HTR4: variants seen among roughly 807,000 people sequenced by gnomAD.
HTR4 encodes 5-hydroxytryptamine receptor 4, also known as 5-hydroxytryptamine (serotonin) receptor 4, G protein-coupled.
HTR4 carries 16 observed loss-of-function variants against 36.8 expected under a neutral mutation model. The ratio of observed to expected loss-of-function variants is 0.43; its 90% CI spans 0.29 to 0.66. The LOEUF is 0.66. HTR4 is among the 30% of genes least tolerant of loss of function. HTR4 has a pLI of 0.13. For missense variants in HTR4, 438 were observed against 490.9 expected (o/e 0.89, Z 1.02); for synonymous variants, 189 against 185.1 (o/e 1.02, Z -0.17).
At chr5:148,626,844 A>G (rs1753127688) in intron 2 of HTR4, among the ~76,000 whole-genome samples, 1 of 152,154 alleles carries the variant, frequency 6.6e-6, no homozygotes, top group Non-Finnish European at 1.5e-5. Flanking sequence ...CCTCCCCAAA[A>G]TATTTCCCAA....
intron 6 of HTR4, among the ~76,000 whole-genome samples, chr5:148,506,303 G>A (rs1382560249): frequency 7.9e-5 from 12 of 152,098 alleles, no homozygotes; most frequent in Admixed American, 2.0e-4. Context: ...AATGGTGCTG[G>A]GAAAACTGGC....
chr5:148,602,434 A>T (rs1175817775), intron 2 of HTR4, among the ~76,000 whole-genome samples: 4 of 152,226 alleles, frequency 2.6e-5, no homozygotes, highest in Non-Finnish European at 5.9e-5. Flanking sequence ...AAACTAGGTG[A>T]TAATTAAATT....
chr5:148,509,369 A>C (rs1344483005), intron 6 of HTR4, 87 bp downstream of exon 6: 1 of 974,376 alleles, frequency 1.0e-6, no homozygotes, highest in African/African-American at 1.6e-5. Context: ...TTTCAGGGAT[A>C]ACCCCTTTGG....
chr5:148,451,414 T>A (rs979321232), intron 5 of HTR4: 7 of 1,422,454 alleles, frequency 4.9e-6, no homozygotes, highest in Admixed American at 2.2e-5. Context: ...GATGGGGTGA[T>A]ACTTCATAGA....
Position 148,523,574 on chromosome 5 carries a change from A to G in HTR4, c.354-228T>C, listed in dbSNP as rs539499410. Among the ~76,000 whole-genome samples the G allele has an allele frequency of 2.6e-5, 4 of 152,236 alleles. No homozygotes were observed. The East Asian group carries it at 7.7e-4, about 29-fold the overall frequency. On this transcript the variant is annotated intron_variant, in intron 4 of 6. Coordinates refer to ENST00000377888, the MANE Select transcript of HTR4 (RefSeq NM_000870.7). ...AGAGCAAGTGGCAGAGGAAGGGAAA[A>G]AGAAGGAAGAGAGAGAAAAGAACAG...
chr5:148,615,532 G>A (rs926382713), intron 2 of HTR4, among the ~76,000 whole-genome samples: 1 of 115,540 alleles, frequency 8.7e-6, no homozygotes, highest in South Asian at 3.5e-4. Context: ...GACTGTTGTG[G>A]GGTGGGGGGA....
chr5:148,624,545 C>CA, intron 2 of HTR4, among the ~76,000 whole-genome samples: 1 of 152,234 alleles, frequency 6.6e-6, no homozygotes, highest in Middle Eastern at 3.4e-3. Context: ...CTAAGGGATA[C>CA]AAAATAAAAG....
intron 5 of HTR4, among the ~76,000 whole-genome samples, chr5:148,460,792 T>C (rs1755257844): frequency 6.6e-6 from 1 of 152,116 alleles, no homozygotes; most frequent in Non-Finnish European, 1.5e-5. Flanking sequence ...TAACAGATTG[T>C]TCAAAATAAT....
intron 2 of HTR4, among the ~76,000 whole-genome samples, chr5:148,567,715 C>T (rs1760505081): frequency 6.6e-6 from 1 of 152,094 alleles, no homozygotes; most frequent in Non-Finnish European, 1.5e-5. Context: ...CCACTAGGTT[C>T]CCTTTTTGTC....
intron 2 of HTR4, among the ~76,000 whole-genome samples, chr5:148,632,574 A>G (rs1317763354): frequency 5.9e-5 from 9 of 152,198 alleles, no homozygotes. Context: ...TTCTCTGCTC[A>G]AAGCCTGGAG....
intron 5 of HTR4, among the ~76,000 whole-genome samples, chr5:148,469,157 A>G (rs1755505132): frequency 1.3e-5 from 2 of 152,192 alleles, no homozygotes; most frequent in Admixed American, 1.3e-4. Context: ...ACACAAATTT[A>G]CATACTGCTC....
rs562863671 is a variant in HTR4 at position 148,490,946 on chromosome 5, G to T, written c.1077-7653C>A. 7.8e-5 allele frequency: 32 copies of T among 410,876 alleles called. No homozygotes were observed. In the East Asian group the frequency reaches 2.0e-3, roughly 25 times the overall value. The allele number at this position is 410,876 out of a possible 1,614,324, so 25.5% of individuals were successfully genotyped here. On this transcript the variant is annotated intron_variant, in intron 6 of 6. Transcript: ENST00000377888. Reference sequence around the variant, plus strand: ...CTGTTATTTATATGTCATAAATTCTGTAGAGAAAATCATGGCATTTACCCT... The same window carrying T: ...CTGTTATTTATATGTCATAAATTCTTTAGAGAAAATCATGGCATTTACCCT...
intron 2 of HTR4, among the ~76,000 whole-genome samples, chr5:148,598,971 C>T (rs1761886718): frequency 1.3e-5 from 2 of 151,680 alleles, no homozygotes; most frequent in Admixed American, 1.3e-4. Context: ...TTTTAAAATA[C>T]AATTATTGAA....
chr5:148,636,995 T>G lies in HTR4; in HGVS notation c.20A>C (p.Asn7Thr). 1.3e-6 allele frequency: 2 copies of G among 1,598,384 alleles called. No homozygotes were observed. Among genetic ancestry groups the G allele is most frequent in the Non-Finnish European group, 1.7e-6 (2 of 1,166,162 alleles). ...GTACAGAAAGGTAACATACCTCACATTAGCATCAAGTTTGTCCATTACAGG... is the reference window on the plus strand; with the variant it reads ...GTACAGAAAGGTAACATACCTCACAGTAGCATCAAGTTTGTCCATTACAGG... MDKLDA[N>T]VSSEEGFGSV... The change falls in exon 2 of 7, where the codon AAT becomes ACT. Residue 7 changes from asparagine to threonine, a missense_variant. Coordinates refer to ENST00000377888, the MANE Select transcript of HTR4 (RefSeq NM_000870.7).
At chr5:148,553,970 C>A (rs1361050566) in intron 2 of HTR4, among the ~76,000 whole-genome samples, 1 of 152,228 alleles carries the variant, frequency 6.6e-6, no homozygotes, top group East Asian at 1.9e-4. Context: ...CAAAGGTGAA[C>A]ACAGCCCAAG....
intron 2 of HTR4, among the ~76,000 whole-genome samples, chr5:148,556,126 T>G (rs1322231386): frequency 6.6e-6 from 1 of 152,076 alleles, no homozygotes; most frequent in Non-Finnish European, 1.5e-5. Context: ...TGGGTTCAAG[T>G]GATTCTCCTG....
intron 2 of HTR4, among the ~76,000 whole-genome samples, chr5:148,618,132 G>C (rs1752773101): frequency 6.6e-6 from 1 of 152,128 alleles, no homozygotes; most frequent in Non-Finnish European, 1.5e-5. Flanking sequence ...CACTCTGATT[G>C]TACCCTTCTG....
At chr5:148,562,221 G>A (rs542889668) in intron 2 of HTR4, among the ~76,000 whole-genome samples, 58 of 152,286 alleles carry the variant, frequency 3.8e-4, no homozygotes, top group East Asian at 5.8e-4. Context: ...GAGTAATTAC[G>A]AGAGAGATTT....
At chr5:148,601,266 G>T (rs1318687039) in intron 2 of HTR4, among the ~76,000 whole-genome samples, 6 of 152,104 alleles carry the variant, frequency 3.9e-5, no homozygotes, top group Non-Finnish European at 7.4e-5. Flanking sequence ...CAAGCATTAT[G>T]GAAGACAGTG....
Sources: gnomAD v4.1 joint callset for allele counts (sites outside exome capture counted in the v4.1 genomes callset) on GRCh38, gnomAD v4.1.1 for gene constraint, MANE v1.5 for transcripts, NCBI Gene and HGNC (gene_info 2026-07-23, HGNC 2026-07-21) for gene names.